Variants in TSPAN19 observed in about 807,000 individuals in gnomAD.
TSPAN19 encodes the protein tetraspanin 19.
In TSPAN19, 44 loss-of-function variants were observed where a neutral mutation model predicts 35.1. The ratio of observed to expected loss-of-function variants is 1.25; its 90% confidence interval spans 0.98 to 1.61. The LOEUF (loss-of-function observed/expected upper bound fraction) is 1.61, where lower values mean the gene tolerates loss of function less well. Ranked by LOEUF, TSPAN19 falls within the 40% of genes most tolerant of loss-of-function variation. TSPAN19 has a pLI of 0.00. For missense variants in TSPAN19, 290 were observed against 280.0 expected (o/e 1.04, Z -0.26); for synonymous variants, 79 against 92.0 (o/e 0.86, Z 0.81).
At chr12:85,032,228 G>C (rs1165543693) in intron 1 of TSPAN19, among the ~76,000 whole-genome samples, 1 of 152,096 alleles carries the variant, frequency 6.6e-6, no homozygotes, top group East Asian at 1.9e-4. Flanking sequence ...GTACAGACTT[G>C]AAAGTCATTC....
At chr12:85,024,170 T>C (rs1205142808) in intron 4 of TSPAN19, among the ~76,000 whole-genome samples, 1 of 152,172 alleles carries the variant, frequency 6.6e-6, no homozygotes, top group Non-Finnish European at 1.5e-5. Context: ...GTTCTAAAGA[T>C]TGAAAGCCAG....
chr12:85,030,943 A>T (rs1039188131), intron 1 of TSPAN19, among the ~76,000 whole-genome samples: 12 of 152,142 alleles, frequency 7.9e-5, no homozygotes, highest in African/African-American at 2.9e-4. Context: ...TATGTAGCGC[A>T]TGATTGACAT....
chr12:85,014,868 T>C (rs1486681343), intron 8 of TSPAN19: 5 of 192,332 alleles, frequency 2.6e-5, no homozygotes, highest in Admixed American at 6.0e-5. Flanking sequence ...TTGTTGTTGT[T>C]CGATATCTTT....
At position 85,017,610 on chromosome 12, in the gene TSPAN19, G is replaced by A. The variant is rs764672353; in HGVS notation, c.451-11C>T. Reference sequence around the variant, plus strand: ...GCCACAACACTGTAACTAGGAAAAAGCTTATATGAATTTTACCATAAAATG... The same window carrying A: ...GCCACAACACTGTAACTAGGAAAAAACTTATATGAATTTTACCATAAAATG... On this transcript the variant is annotated splice_polypyrimidine_tract_variant and intron_variant, in intron 6 of 8. Coordinates refer to ENST00000532498, the MANE Select transcript of TSPAN19 (RefSeq NM_001100917.2). 7.2e-6 allele frequency: 11 copies of A among 1,531,706 alleles called. No homozygotes were observed. In the South Asian group the frequency reaches 1.1e-4, roughly 16 times the overall value. The allele number at this position is 1,531,706 out of a possible 1,614,324, so 94.9% of individuals were successfully genotyped here.
chr12:85,029,614 A>G, intron 3 of TSPAN19, 105 bp downstream of exon 3: 1 of 923,940 alleles, frequency 1.1e-6, no homozygotes, highest in Non-Finnish European at 1.6e-6. Flanking sequence ...CTGGACACTT[A>G]ATAAATTACA....
At chr12:85,022,193 T>C (rs78917496) in intron 5 of TSPAN19, among the ~76,000 whole-genome samples, 54 of 151,966 alleles carry the variant, frequency 3.6e-4, no homozygotes, top group African/African-American at 1.3e-3. Context: ...GCAGCTAACA[T>C]ACCTTTAAAA....
chr12:85,030,040 G>A, intron 1 of TSPAN19, 67 bp from the exon 2 acceptor site: 1 of 1,191,066 alleles, frequency 8.4e-7, no homozygotes, highest in Non-Finnish European at 1.1e-6. Context: ...CCCTACTTAT[G>A]TTCTTTATTT....
At chr12:85,025,536 G>T (rs1036229268) in intron 4 of TSPAN19, among the ~76,000 whole-genome samples, 2 of 150,096 alleles carry the variant, frequency 1.3e-5, no homozygotes, top group African/African-American at 4.9e-5. Context: ...TGTTGGGGGG[G>T]AGGTGGGGGA....
At chr12:85,030,028 C>G in intron 1 of TSPAN19, 55 bp from the exon 2 acceptor site, 1 of 1,256,498 alleles carries the variant, frequency 8.0e-7, no homozygotes, top group Non-Finnish European at 1.1e-6. Context: ...TTAAATATTT[C>G]TCCCTACTTA....
intron 4 of TSPAN19, among the ~76,000 whole-genome samples, chr12:85,027,480 C>T (rs11609891): frequency 0.22 from 34,192 of 151,994 alleles, 4,297 homozygotes; most frequent in African/African-American, 0.3. Context: ...CATAAGTTAC[C>T]TTTCCGCGTG....
intron 6 of TSPAN19, 138 bp downstream of exon 6, chr12:85,019,488 G>A: frequency 1.8e-6 from 1 of 562,026 alleles, no homozygotes; most frequent in African/African-American, 2.0e-5. Flanking sequence ...TGTGGAGAAT[G>A]CCCTTTTTGC....
intron 5 of TSPAN19, among the ~76,000 whole-genome samples, chr12:85,020,554 C>T (rs1196142441): frequency 6.6e-6 from 1 of 152,014 alleles, no homozygotes; most frequent in African/African-American, 2.4e-5. Flanking sequence ...ATTGAGAAAA[C>T]TGCAGAAGCA....
At chr12:85,020,032 G>GA (rs1028652788) in intron 5 of TSPAN19, among the ~76,000 whole-genome samples, 4 of 151,766 alleles carry the variant, frequency 2.6e-5, no homozygotes, top group South Asian at 2.1e-4. Flanking sequence ...ATACTCTCAG[G>GA]AAAAAAACTG....
chr12:85,032,609 C>T (rs538009640), intron 1 of TSPAN19, among the ~76,000 whole-genome samples: 1 of 152,034 alleles, frequency 6.6e-6, no homozygotes, highest in East Asian at 1.9e-4. Context: ...TCAAAGAAGC[C>T]CATGACTATG....
chr12:85,019,620 T>C lies in TSPAN19; in HGVS notation c.450+6A>G, dbSNP rs960932426. Reference sequence around the variant, plus strand: ...ACATCTAATTTTTTAGTTAATTTCATCTTACTGTTTTCTGTAAGGCATTCA... The same window carrying C: ...ACATCTAATTTTTTAGTTAATTTCACCTTACTGTTTTCTGTAAGGCATTCA... On this transcript the variant is annotated splice_donor_region_variant and intron_variant, in intron 6 of 8. Coordinates refer to ENST00000532498, the MANE Select transcript of TSPAN19 (RefSeq NM_001100917.2). The C allele has an allele frequency of 5.2e-6, 8 of 1,552,646 alleles. No homozygotes were observed. Among genetic ancestry groups the C allele is most frequent in the South Asian group, 1.1e-5 (1 of 89,474 alleles).
At chr12:85,020,461 C>T (rs553372114) in intron 5 of TSPAN19, among the ~76,000 whole-genome samples, 24 of 151,820 alleles carry the variant, frequency 1.6e-4, no homozygotes, top group African/African-American at 5.8e-4. Context: ...TAAATATTAT[C>T]CTTTCATAGT....
chr12:85,023,461 A>G, intron 4 of TSPAN19, 61 bp from the exon 5 acceptor site: 1 of 1,313,158 alleles, frequency 7.6e-7, no homozygotes, highest in Non-Finnish European at 1.1e-6. Flanking sequence ...TGTATGCTCA[A>G]ATAATGGGAA....
intron 3 of TSPAN19, among the ~76,000 whole-genome samples, chr12:85,028,923 G>C (rs1877552941): frequency 6.6e-6 from 1 of 152,138 alleles, no homozygotes; most frequent in African/African-American, 2.4e-5. Context: ...TGCTGGAAAA[G>C]GTAACATCTG....
chr12:85,031,084 T>C (rs905219174), intron 1 of TSPAN19, among the ~76,000 whole-genome samples: 5 of 152,152 alleles, frequency 3.3e-5, no homozygotes, highest in African/African-American at 1.2e-4. Flanking sequence ...CATTAGTCTA[T>C]GTACTACCTT....
Sources: gnomAD v4.1 joint callset for allele counts (sites outside exome capture counted in the v4.1 genomes callset) on GRCh38, gnomAD v4.1.1 for gene constraint, MANE v1.5 for transcripts, NCBI Gene and HGNC (gene_info 2026-07-23, HGNC 2026-07-21) for gene names.